The following SLC2A9 variants were observed in gnomAD, a reference collection of about 807,000 sequenced individuals.
SLC2A9 encodes solute carrier family 2, facilitated glucose transporter member 9.
SLC2A9 carries 39 observed loss-of-function variants against 50.6 expected under a neutral mutation model. That is an observed-to-expected ratio of 0.77 (90% CI 0.60 to 1.01). SLC2A9 has a LOEUF of 1.01. Among genes scored for constraint, SLC2A9 ranks in the 50% least tolerant of loss-of-function variants. The pLI, the probability that SLC2A9 is intolerant of heterozygous loss-of-function variation, is 0.00. For missense variants in SLC2A9, 686 were observed against 677.6 expected, an observed-to-expected ratio of 1.01 and a Z score of -0.14; for synonymous variants, 324 against 276.9, an observed-to-expected ratio of 1.17 and a Z score of -1.69.
chr4:9,811,676 CT>C (rs1365894436), intron 3 of SLC2A9, among the ~76,000 whole-genome samples: 1 of 152,144 alleles, frequency 6.6e-6, no homozygotes, highest in Non-Finnish European at 1.5e-5. Context: ...CCAGCTGAGC[CT>C]GAATTGCTGA....
At chr4:9,779,456 C>T (rs748669548), downstream of SLC2A9, among the ~76,000 whole-genome samples, 3 of 151,722 alleles carry the variant, frequency 2.0e-5, no homozygotes, top group East Asian at 3.9e-4. Flanking sequence ...GCTCTGTCAC[C>T]CAGGCTGGAG....
chr4:9,771,307 C>G (rs1391374562), exon 2 of SLC2A9: 4 of 389,376 alleles, frequency 1.0e-5, no homozygotes, highest in Non-Finnish European at 1.8e-5. Flanking sequence ...GTTTCCTTCA[C>G]CTGGTGACTC....
intron 6 of SLC2A9, among the ~76,000 whole-genome samples, chr4:9,934,817 C>CAT (rs1746770656): frequency 6.6e-6 from 1 of 152,180 alleles, no homozygotes; most frequent in African/African-American, 2.4e-5. Context: ...CCCTCAGCCC[C>CAT]TGCCCACAGG....
chr4:9,820,967 G>T (rs1027227527), intron 3 of SLC2A9, among the ~76,000 whole-genome samples: 1 of 152,144 alleles, frequency 6.6e-6, no homozygotes, highest in Non-Finnish European at 1.5e-5. Flanking sequence ...GTATGATAGT[G>T]AATAGAGGCA....
intron 5 of SLC2A9, among the ~76,000 whole-genome samples, chr4:9,963,653 G>T (rs1402268485): frequency 6.6e-6 from 1 of 152,142 alleles, no homozygotes; most frequent in African/African-American, 2.4e-5. Flanking sequence ...GCCCCTGCTC[G>T]CTGGGTTTTG....
At chr4:9,776,501 C>G (rs1354312202), downstream of SLC2A9, among the ~76,000 whole-genome samples, 2 of 152,002 alleles carry the variant, frequency 1.3e-5, no homozygotes, top group Non-Finnish European at 2.9e-5. Flanking sequence ...CTCCCTATAA[C>G]CAGCAATCAG....
intron 10 of SLC2A9, among the ~76,000 whole-genome samples, chr4:9,862,255 A>G (rs1163269775): frequency 6.6e-6 from 1 of 152,042 alleles, no homozygotes; most frequent in Non-Finnish European, 1.5e-5. Flanking sequence ...AGAGGAACCT[A>G]CATGAACCAG....
chr4:9,823,983 T>C (rs1017980325), downstream of SLC2A9, among the ~76,000 whole-genome samples: 24 of 152,316 alleles, frequency 1.6e-4, no homozygotes, highest in Admixed American at 9.8e-4. Context: ...ATTTCCTTAA[T>C]GTGGCTGCTG....
In SLC2A9 at chr4:9,826,493, T is replaced by C. The variant is rs1226742524; in HGVS notation, c.1527A>G (p.Glu509=). ...TCCTTTTGGAAAATGCCTGGCTGAT[T>C]TCTGCATAGGTTCTGTTTTTGGTCT... ...LPETKNRTYA[E]ISQAFSKRNK... is the part of the protein sequence containing the mutation. Residue 509 remains glutamate, a synonymous_variant, in exon 12 of 12, where the codon GAA becomes GAG. Coordinates refer to ENST00000264784, the MANE Select transcript of SLC2A9 (RefSeq NM_020041.3). 3 of 1,614,000 alleles carry C rather than the reference T, an allele frequency of 1.9e-6. No homozygotes were observed. Among genetic ancestry groups the C allele is most frequent in the Non-Finnish European group, 2.5e-6 (3 of 1,179,984 alleles).
chr4:9,917,787 G>A lies in SLC2A9; in HGVS notation c.1002+2598C>T, dbSNP rs1007795400. Among the ~76,000 whole-genome samples, 4 of 152,308 alleles carry A rather than the reference G, an allele frequency of 2.6e-5. No individual in the cohort carries two copies. In the East Asian group the frequency reaches 7.7e-4, roughly 29 times the overall value. The stretch of plus-strand genomic sequence containing the variant: ...TTGGCAGTGTCTGGAGCCATTTTTG[G>A]TTGTCACAGCTGGTGGGGCAGATGG... On this transcript the variant is annotated intron_variant, in intron 7 of 11. Transcript: ENST00000264784.
At chr4:9,809,707 G>A (rs974214810) in intron 3 of SLC2A9, among the ~76,000 whole-genome samples, 1 of 152,130 alleles carries the variant, frequency 6.6e-6, no homozygotes, top group Non-Finnish European at 1.5e-5. Flanking sequence ...GCACTGGCAG[G>A]GATGTTGTGA....
At chr4:9,942,920 A>G (rs1021045178) in intron 5 of SLC2A9, among the ~76,000 whole-genome samples, 1 of 152,202 alleles carries the variant, frequency 6.6e-6, no homozygotes, top group African/African-American at 2.4e-5. Context: ...ATTTCCCAAG[A>G]AGGTACAAGG....
At chr4:10,030,832 G>C (rs1379212397) in intron 1 of SLC2A9, among the ~76,000 whole-genome samples, 1 of 152,180 alleles carries the variant, frequency 6.6e-6, no homozygotes, top group African/African-American at 2.4e-5. Flanking sequence ...AGGCCGCTTT[G>C]CATGTGTGAT....
intron 5 of SLC2A9, among the ~76,000 whole-genome samples, chr4:9,942,273 G>C (rs369151157): frequency 1.4e-3 from 217 of 152,344 alleles, no homozygotes; most frequent in South Asian, 2.5e-3. Context: ...CTGTGAGATA[G>C]TGACCTGCAA....
chr4:9,999,398 G>A (rs1237956099), intron 2 of SLC2A9, among the ~76,000 whole-genome samples: 1 of 152,012 alleles, frequency 6.6e-6, no homozygotes, highest in African/African-American at 2.4e-5. Flanking sequence ...GTGTGTGTGT[G>A]TACGGGCACA....
At chr4:9,771,400 C>G in intron 1 of SLC2A9, 1 of 398,144 alleles carries the variant, frequency 2.5e-6, no homozygotes, top group Admixed American at 4.4e-5. Context: ...TAGAGTCATG[C>G]CAGTTCTTAG....
At chr4:9,888,315 A>G (rs990054522) in intron 9 of SLC2A9, among the ~76,000 whole-genome samples, 96 of 151,636 alleles carry the variant, frequency 6.3e-4, no homozygotes, top group African/African-American at 2.2e-3. Context: ...TTCCTCATAT[A>G]CATTTTAAAG....
intron 10 of SLC2A9, among the ~76,000 whole-genome samples, chr4:9,875,737 G>GACAA (rs769923676): frequency 5.9e-5 from 9 of 152,144 alleles, no homozygotes; most frequent in Non-Finnish European, 1.0e-4. Flanking sequence ...TCCCCCCAGT[G>GACAA]ACAAAGCCAA....
chr4:9,780,233 T>G (rs573241930), intron 3 of SLC2A9, among the ~76,000 whole-genome samples: 1 of 151,900 alleles, frequency 6.6e-6, no homozygotes, highest in African/African-American at 2.4e-5. Context: ...AGACAGAGGG[T>G]CAGGGCAGAG....
Sources: allele counts gnomAD v4.1 joint callset (sites outside exome capture counted in the v4.1 genomes callset), GRCh38; gene constraint gnomAD v4.1.1; transcripts MANE v1.5; gene names NCBI Gene and HGNC (gene_info 2026-07-23, HGNC 2026-07-21).